LMNTD1: variants seen among roughly 807,000 people sequenced by gnomAD.
LMNTD1 encodes the protein lamin tail domain containing 1.
LMNTD1 carries 35 observed loss-of-function variants against 50.9 expected under a neutral mutation model. The observed-to-expected ratio is 0.69, with a 90% CI of 0.53 to 0.91. The LOEUF (loss-of-function observed/expected upper bound fraction) is 0.91. Among genes scored for constraint, LMNTD1 ranks in the 40% least tolerant of loss-of-function variants. The pLI, the probability that LMNTD1 is intolerant of heterozygous loss-of-function variation, is 0.00. For missense variants in LMNTD1, 470 were observed against 475.5 expected (o/e 0.99, Z 0.11); for synonymous variants, 153 against 161.9 (o/e 0.94, Z 0.42).
chr12:25,493,350 T>C (rs11048074), intron 9 of LMNTD1, among the ~76,000 whole-genome samples: 36,260 of 152,050 alleles, frequency 0.24, 4,412 homozygotes, highest in Non-Finnish European at 0.25. Flanking sequence ...CTCCAGCTAA[T>C]CCCACTGGAT....
intron 1 of LMNTD1, among the ~76,000 whole-genome samples, chr12:25,580,510 C>T (rs1159301035): frequency 6.6e-6 from 1 of 152,112 alleles, no homozygotes; most frequent in Non-Finnish European, 1.5e-5. Flanking sequence ...TTTATTCATC[C>T]TATTTCCAGG....
chr12:25,586,476 G>T (rs1409211883), intron 1 of LMNTD1, among the ~76,000 whole-genome samples: 5 of 152,110 alleles, frequency 3.3e-5, no homozygotes, highest in Non-Finnish European at 5.9e-5. Context: ...AGCAAAAACT[G>T]CCAGTTGTCC....
At chr12:25,508,444 A>AT (rs1939991407) in intron 8 of LMNTD1, among the ~76,000 whole-genome samples, 1 of 152,166 alleles carries the variant, frequency 6.6e-6, no homozygotes, top group Non-Finnish European at 1.5e-5. Context: ...CACTGATATT[A>AT]TTGCATGTAG....
chr12:25,593,115 C>T (rs930048846), intron 1 of LMNTD1, among the ~76,000 whole-genome samples: 1 of 151,054 alleles, frequency 6.6e-6, no homozygotes, highest in Non-Finnish European at 1.5e-5. Context: ...CCTGCCCCCA[C>T]CTAATGGTCC....
chr12:25,578,944 G>A (rs1284300938), intron 1 of LMNTD1, among the ~76,000 whole-genome samples: 1 of 152,170 alleles, frequency 6.6e-6, no homozygotes, highest in Non-Finnish European at 1.5e-5. Context: ...AAATTAAGCT[G>A]ATCTAATTTA....
chr12:25,518,495 T>A (rs911271770), intron 8 of LMNTD1, among the ~76,000 whole-genome samples: 2 of 65,606 alleles, frequency 3.0e-5, no homozygotes, highest in African/African-American at 7.4e-5. Context: ...AAACAAAAAG[T>A]GTTTTTTCAT....
chr12:25,543,673 G>A (rs751220177), intron 4 of LMNTD1, among the ~76,000 whole-genome samples: 4 of 150,500 alleles, frequency 2.7e-5, no homozygotes, highest in Non-Finnish European at 4.4e-5. Context: ...CTTGAGATAC[G>A]TTGTTAGATT....
intron 4 of LMNTD1, among the ~76,000 whole-genome samples, chr12:25,538,788 A>T (rs1041987692): frequency 2.8e-5 from 3 of 108,788 alleles, no homozygotes; most frequent in African/African-American, 9.5e-5. Context: ...CAAATTGGAT[A>T]AAGAGTCAAG....
In LMNTD1 at chr12:25,588,785, A is replaced by C. The variant is rs1250212878; in HGVS notation, c.59-42231T>G. On this transcript the variant is annotated intron_variant, in intron 1 of 7. Coordinates refer to the LMNTD1 transcript ENST00000445693. The stretch of plus-strand genomic sequence containing the variant: ...TTTTTGCAAATTATTTCACAATTAA[A>C]AAGGGAGGAAAGCCTATATATCAAT... Among the ~76,000 whole-genome samples, 5 of 152,286 alleles carry C rather than the reference A, an allele frequency of 3.3e-5. No homozygotes were observed. In the East Asian group the frequency reaches 7.7e-4, roughly 23 times the overall value.
At chr12:25,553,647 A>G (rs953750271), upstream of LMNTD1, among the ~76,000 whole-genome samples, 1 of 152,184 alleles carries the variant, frequency 6.6e-6, no homozygotes, top group Non-Finnish European at 1.5e-5. Flanking sequence ...AAAGAAGTCT[A>G]TTGGTAGAAA....
chr12:25,482,845 A>T (rs1396205581), intron 9 of LMNTD1, among the ~76,000 whole-genome samples: 1 of 151,978 alleles, frequency 6.6e-6, no homozygotes, highest in African/African-American at 2.4e-5. Context: ...TGTCAACAGC[A>T]TTCTGAGGCC....
intron 9 of LMNTD1, among the ~76,000 whole-genome samples, chr12:25,499,246 A>AT (rs968576608): frequency 1.3e-4 from 19 of 151,766 alleles, no homozygotes; most frequent in Admixed American, 3.3e-4. Context: ...TGTTTTTTAA[A>AT]TTTTTTTTGT....
At chr12:25,611,887 C>T (rs1419274896) in intron 1 of LMNTD1, among the ~76,000 whole-genome samples, 2 of 152,224 alleles carry the variant, frequency 1.3e-5, no homozygotes, top group Admixed American at 1.3e-4. Flanking sequence ...ATTTCCTTTG[C>T]TTGCCAGTTC....
chr12:25,602,268 C>A (rs950928416), intron 1 of LMNTD1, among the ~76,000 whole-genome samples: 1 of 151,574 alleles, frequency 6.6e-6, no homozygotes, highest in African/African-American at 2.4e-5. Flanking sequence ...TATTTTCTTT[C>A]TTTTCTTTCT....
intron 8 of LMNTD1, among the ~76,000 whole-genome samples, chr12:25,511,910 T>C (rs566400920): frequency 5.4e-4 from 82 of 152,298 alleles, no homozygotes; most frequent in Non-Finnish European, 1.1e-3. Flanking sequence ...CTCAGAATGC[T>C]TTGCCCCCCC....
At chr12:25,546,605 G>GACATT (rs1565464967) in intron 3 of LMNTD1, 51 bp from the exon 4 acceptor site, 1 of 1,161,570 alleles carries the variant, frequency 8.6e-7, no homozygotes, top group East Asian at 2.8e-5. Flanking sequence ...TAAATAAAAT[G>GACATT]ACATTAAAAG....
intron 1 of LMNTD1, among the ~76,000 whole-genome samples, chr12:25,587,575 C>G (rs1045186037): frequency 1.3e-5 from 2 of 152,040 alleles, no homozygotes; most frequent in Non-Finnish European, 2.9e-5. Flanking sequence ...ACAGCACCAA[C>G]CGGATGGTGC....
intron 9 of LMNTD1, among the ~76,000 whole-genome samples, chr12:25,482,203 A>G (rs1938468915): frequency 6.6e-6 from 1 of 152,038 alleles, no homozygotes; most frequent in African/African-American, 2.4e-5. Context: ...AGGTAAAGTG[A>G]TGAACTGGCT....
At chr12:25,484,526 TA>T (rs1938551784) in intron 9 of LMNTD1, among the ~76,000 whole-genome samples, 1 of 151,964 alleles carries the variant, frequency 6.6e-6, no homozygotes, top group Non-Finnish European at 1.5e-5. Context: ...TATTATACTT[TA>T]AGTTTTAGGG....
Sources: allele counts gnomAD v4.1 joint callset (sites outside exome capture counted in the v4.1 genomes callset), GRCh38; gene constraint gnomAD v4.1.1; transcripts MANE v1.5; gene names NCBI Gene and HGNC (gene_info 2026-07-23, HGNC 2026-07-21).